The following DTD1 variants were observed in gnomAD, a reference collection of about 807,000 sequenced individuals.
DTD1 encodes D-aminoacyl-tRNA deacylase 1.
A neutral mutation model predicts 25.6 loss-of-function variants in DTD1; 13 were observed. That is an observed-to-expected ratio of 0.51 (90% CI 0.33 to 0.81). The LOEUF is 0.81. Ranked by LOEUF, DTD1 falls within the 30% of genes least tolerant of loss-of-function variation. DTD1 has a pLI of 0.02. For missense variants in DTD1, 193 were observed against 266.4 expected, an observed-to-expected ratio of 0.72 and a Z score of 1.92; for synonymous variants, 110 against 103.6, an observed-to-expected ratio of 1.06 and a Z score of -0.37.
Position 18,596,234 on chromosome 20 carries a change from T to G in DTD1, c.363T>G (p.Leu121=), listed in dbSNP as rs1209668310. Residue 121 remains leucine, a synonymous_variant, in exon 3 of 6, where the codon CTT becomes CTG. Transcript: ENST00000377452. ...TGCGTAAAACATACAGGCCGGAGCTTATCAAAGGTAAGCAGGAGAGCCACA... is the reference window on the plus strand; with the variant it reads ...TGCGTAAAACATACAGGCCGGAGCTGATCAAAGGTAAGCAGGAGAGCCACA... The part of the protein sequence containing the change: ...EQLRKTYRPE[L]IKDGKFGAYM... 1 of 1,613,464 alleles carries G rather than the reference T, an allele frequency of 6.2e-7. No individual in the cohort carries two copies. Among genetic ancestry groups the G allele is most frequent in the Non-Finnish European group, 8.5e-7 (1 of 1,179,686 alleles).
At chr20:18,720,939 C>T (rs766952505) in intron 4 of DTD1, among the ~76,000 whole-genome samples, 65 of 152,248 alleles carry the variant, frequency 4.3e-4, no homozygotes, top group Admixed American at 3.4e-3. Context: ...ATATTATATC[C>T]AGCAACCTTG....
At chr20:18,719,190 A>C (rs1259035219) in intron 4 of DTD1, among the ~76,000 whole-genome samples, 1 of 151,984 alleles carries the variant, frequency 6.6e-6, no homozygotes, top group Non-Finnish European at 1.5e-5. Flanking sequence ...ATAATCTTGT[A>C]AGTTGGGGAT....
At chr20:18,758,386 C>T (rs2061347818) in intron 5 of DTD1, among the ~76,000 whole-genome samples, 1 of 152,066 alleles carries the variant, frequency 6.6e-6, no homozygotes, top group Non-Finnish European at 1.5e-5. Flanking sequence ...TTGGATCTTT[C>T]CTGCTTTGTC....
intron 3 of DTD1, among the ~76,000 whole-genome samples, chr20:18,601,672 C>G (rs1231184775): frequency 6.6e-6 from 1 of 151,810 alleles, no homozygotes; most frequent in Non-Finnish European, 1.5e-5. Context: ...ACACTGACAC[C>G]TCACACGGCA....
At chr20:18,588,254 C>T in intron 1 of DTD1, 139 bp downstream of exon 1, 1 of 842,648 alleles carries the variant, frequency 1.2e-6, no homozygotes, top group Non-Finnish European at 1.6e-6. Context: ...CGAGCTCGGT[C>T]CGCGCAGCCG....
At chr20:18,638,752 C>T (rs940569769) in intron 4 of DTD1, among the ~76,000 whole-genome samples, 4 of 152,144 alleles carry the variant, frequency 2.6e-5, no homozygotes, top group African/African-American at 9.7e-5. Flanking sequence ...TTTGTGTTTG[C>T]AGAGATGGAT....
intron 4 of DTD1, among the ~76,000 whole-genome samples, chr20:18,661,590 T>G (rs545163412): frequency 6.6e-6 from 1 of 152,044 alleles, no homozygotes; most frequent in Non-Finnish European, 1.5e-5. Context: ...CCAGGATGGT[T>G]TTGATCTCCT....
intron 4 of DTD1, among the ~76,000 whole-genome samples, chr20:18,647,882 G>C (rs2060856187): frequency 6.6e-6 from 1 of 152,164 alleles, no homozygotes; most frequent in Non-Finnish European, 1.5e-5. Context: ...TGCTGCACTG[G>C]GCCAGGGTAG....
intron 4 of DTD1, among the ~76,000 whole-genome samples, chr20:18,677,014 C>G (rs934049767): frequency 6.6e-6 from 1 of 152,180 alleles, no homozygotes; most frequent in Non-Finnish European, 1.5e-5. Flanking sequence ...AGAAAAGAAA[C>G]AGGTATTTCC....
intron 4 of DTD1, chr20:18,674,590 A>C (rs575797906): frequency 3.3e-5 from 5 of 152,212 alleles, no homozygotes; most frequent in Non-Finnish European, 7.3e-5. Flanking sequence ...ATTGATTCCT[A>C]GTGCCTCTGT....
At chr20:18,680,883 G>C (rs906142360) in intron 4 of DTD1, among the ~76,000 whole-genome samples, 10 of 152,148 alleles carry the variant, frequency 6.6e-5, no homozygotes, top group African/African-American at 2.2e-4. Context: ...GAGTTTATCT[G>C]TATCACAAGG....
rs986583972 is a variant in DTD1, at chr20:18,597,191, G to A, written c.370+950G>A. Among the ~76,000 whole-genome samples the A allele has an allele frequency of 3.1e-5, 3 of 95,322 alleles. 1 individual carries two copies. The East Asian group carries it at 8.1e-4, about 26-fold the overall frequency. The allele number at this position is 95,322 out of a possible 152,430, so 62.5% of individuals were successfully genotyped here. A position where few individuals can be genotyped will look rare whatever the true frequency, so the allele number is the denominator to read the frequency against. Reference sequence around the variant, plus strand: ...TGTGTGTGTGTGTGTGTGTGTGTGTGTGTGTGTGTATAGAGAGAAGGAGCT... The same window carrying A: ...TGTGTGTGTGTGTGTGTGTGTGTGTATGTGTGTGTATAGAGAGAAGGAGCT... On this transcript the variant is annotated intron_variant, in intron 3 of 5. Coordinates refer to ENST00000377452, the MANE Select transcript of DTD1 (RefSeq NM_080820.6).
intron 3 of DTD1, among the ~76,000 whole-genome samples, chr20:18,602,211 G>A (rs1340776265): frequency 9.9e-6 from 1 of 100,604 alleles, no homozygotes; most frequent in Non-Finnish European, 2.1e-5. Context: ...AAGCGAGAAG[G>A]GAAGTTTAGA....
chr20:18,638,212 CATCT>C (rs1458475629), intron 4 of DTD1, among the ~76,000 whole-genome samples: 1 of 144,954 alleles, frequency 6.9e-6, no homozygotes, highest in South Asian at 2.3e-4. Flanking sequence ...TCCATCCATC[CATCT>C]ATCCATCCAC....
intron 3 of DTD1, among the ~76,000 whole-genome samples, chr20:18,601,744 A>G (rs1418994608): frequency 6.6e-6 from 1 of 152,126 alleles, no homozygotes; most frequent in African/African-American, 2.4e-5. Context: ...TAACAAACAG[A>G]AAGGACATCC....
At chr20:18,730,484 C>T (rs2061236263) in intron 4 of DTD1, among the ~76,000 whole-genome samples, 1 of 152,130 alleles carries the variant, frequency 6.6e-6, no homozygotes, top group South Asian at 2.1e-4. Flanking sequence ...TTGTTTAGTC[C>T]TTATCAGTTT....
chr20:18,693,579 C>T (rs951264252), intron 4 of DTD1, among the ~76,000 whole-genome samples: 5 of 151,584 alleles, frequency 3.3e-5, no homozygotes, highest in African/African-American at 7.3e-5. Context: ...ATCGCTTGAA[C>T]CCAGGAGGCG....
chr20:18,676,191 A>G (rs1381339707), intron 4 of DTD1, among the ~76,000 whole-genome samples: 1 of 152,158 alleles, frequency 6.6e-6, no homozygotes, highest in Admixed American at 6.5e-5. Flanking sequence ...GCTGGGGTAG[A>G]GAATGCAGAC....
At chr20:18,753,635 T>C (rs1325656404) in intron 5 of DTD1, among the ~76,000 whole-genome samples, 2 of 108,212 alleles carry the variant, frequency 1.8e-5, no homozygotes, top group African/African-American at 7.5e-5. Flanking sequence ...CGTTGATATA[T>C]AAATAAGTAC....
Sources: gnomAD v4.1 joint callset for allele counts (sites outside exome capture counted in the v4.1 genomes callset) on GRCh38, gnomAD v4.1.1 for gene constraint, MANE v1.5 for transcripts, NCBI Gene and HGNC (gene_info 2026-07-23, HGNC 2026-07-21) for gene names.